FBXO6: variants seen among roughly 807,000 people sequenced by gnomAD.
FBXO6 encodes the protein F-box protein 6.
In FBXO6, 13 loss-of-function variants were observed where a neutral mutation model predicts 25.0. The observed-to-expected ratio is 0.52, with a 90% confidence interval of 0.34 to 0.83. FBXO6 has a LOEUF of 0.83. FBXO6 is among the 40% of genes least tolerant of loss of function. The probability of loss-of-function intolerance (pLI) is 0.02; values close to 1 mark genes in which losing one functional copy is unlikely to be tolerated. For synonymous variants in FBXO6, 138 were observed against 155.3 expected, an observed-to-expected ratio of 0.89 and a Z score of 0.83; for missense variants, 370 against 380.2, an observed-to-expected ratio of 0.97 and a Z score of 0.22.
chr1:11,665,017 A>C (rs574651342), intron 1 of FBXO6, among the ~76,000 whole-genome samples: 1 of 151,730 alleles, frequency 6.6e-6, no homozygotes, highest in Non-Finnish European at 1.5e-5. Flanking sequence ...TCTAGAGTCT[A>C]GACAGTGCCT....
intron 2 of FBXO6, 143 bp downstream of exon 2, chr1:11,669,087 A>G: frequency 8.5e-7 from 1 of 1,175,152 alleles, no homozygotes; most frequent in South Asian, 1.6e-5. Flanking sequence ...CTCATTCTTC[A>G]GGTCTCAGTT....
At chr1:11,670,954 G>T (rs1640600585) in intron 2 of FBXO6, among the ~76,000 whole-genome samples, 1 of 152,200 alleles carries the variant, frequency 6.6e-6, no homozygotes, top group Non-Finnish European at 1.5e-5. Flanking sequence ...GAGGGACAGA[G>T]TCAGATCAGA....
At chr1:11,672,270 G>A (rs1457541536) in intron 4 of FBXO6, among the ~76,000 whole-genome samples, 2 of 151,940 alleles carry the variant, frequency 1.3e-5, no homozygotes, top group African/African-American at 2.4e-5. Context: ...AGGCCCCCAG[G>A]TGCACTGTCA....
intron 2 of FBXO6, among the ~76,000 whole-genome samples, chr1:11,670,797 G>A (rs1196676732): frequency 2.0e-5 from 3 of 152,114 alleles, no homozygotes; most frequent in African/African-American, 7.2e-5. Flanking sequence ...CAGGCCTCTC[G>A]TAATTTTTTG....
Position 11,665,554 on chromosome 1 carries a change from C to CTTTTTTTTT in FBXO6, c.-4+1315_-4+1323dup, listed in dbSNP as rs70983579. Among the ~76,000 whole-genome samples the CTTTTTTTTT allele has an allele frequency of 6.2e-3, 235 of 37,852 alleles. 76 individuals are homozygous for CTTTTTTTTT. Among genetic ancestry groups the CTTTTTTTTT allele is most frequent in the African/African-American group, 0.019 (124 of 6,542 alleles). The allele number at this position is 37,852 out of a possible 152,430, so 24.8% of individuals were successfully genotyped here. A position where few individuals can be genotyped will look rare whatever the true frequency, so the allele number is the denominator to read the frequency against. On this transcript the variant is annotated intron_variant, in intron 1 of 5. Transcript: ENST00000376753. ...ACAGGCGTGAGCCACCGCGCCCGGC[C>CTTTTTTTTT]TTTTTTTTTTTTTTTTTTTTTTTTG...
Position 11,674,052 on chromosome 1 carries a change from C to G in FBXO6, c.*201C>G, listed in dbSNP as rs1467221788. 8.9e-6 allele frequency: 5 copies of G among 563,292 alleles called. No individual in the cohort carries two copies. The highest frequency in any genetic ancestry group is 6.4e-6 in the Non-Finnish European group (2 of 313,932). 34.9% of individuals were successfully genotyped at this position (563,292 alleles called of 1,614,324 possible). ...GGGCACTGTGGCTCACGCCTGTAAT[C>G]CCAGCACTTTGGGAGACCGAGGCAG... On this transcript the variant is annotated 3_prime_UTR_variant, in exon 6 of 6. Transcript: ENST00000376753. This position sits in a 1 kb window ranked among gnomAD's most constrained non-coding sequence, Gnocchi z 6.1.
rs1640605534 is a variant in FBXO6 at position 11,671,170 on chromosome 1, C to A, written c.287-96C>A. The A allele has an allele frequency of 3.3e-6, 5 of 1,525,008 alleles. No homozygotes were observed. In the Admixed American group the frequency reaches 8.9e-5, roughly 27 times the overall value. 94.5% of individuals were successfully genotyped at this position (1,525,008 alleles called of 1,614,324 possible). A position where few individuals can be genotyped will look rare whatever the true frequency, so the allele number is the denominator to read the frequency against. ...CTGCCTCCCAAGAAGGTCACTAACG[C>A]CAACCACCCTCCCTCCCGCCCTCCT... On this transcript the variant is annotated intron_variant, in intron 2 of 5. Transcript: ENST00000376753.
Position 11,672,005 on chromosome 1 carries a change from A to T in FBXO6, c.491A>T (p.Asp164Val). 1 of 1,614,158 alleles carries T rather than the reference A, an allele frequency of 6.2e-7. No individual in the cohort carries two copies. Among genetic ancestry groups the T allele is most frequent in the Middle Eastern group, 1.6e-4 (1 of 6,062 alleles). The change falls in exon 4 of 6, where the codon GAC (aspartate) becomes GTC (valine). Residue 164 changes from aspartate to valine, a missense_variant. Transcript: ENST00000376753. ...WEELLDTFRP[D>V]IVVKDWFAAR... ...GAGCTACTAGACACATTCCGGCCGG[A>T]CATCGTGGTTAAGGACTGGTGAGTA...
intron 2 of FBXO6, among the ~76,000 whole-genome samples, chr1:11,670,391 C>T (rs952920707): frequency 2.6e-5 from 4 of 151,990 alleles, no homozygotes; most frequent in Admixed American, 1.3e-4. Flanking sequence ...CCAAAGGGTA[C>T]CTGTTCTTCC....
rs150370919 is a variant in FBXO6 at position 11,667,927 on chromosome 1, C to A, written c.-3-729C>A. 3.8e-3 allele frequency among the ~76,000 whole-genome samples: 571 copies of A among 152,148 alleles called. 3 individuals carry two copies. Among genetic ancestry groups the A allele is most frequent in the Non-Finnish European group, 6.4e-3 (438 of 68,008 alleles). On this transcript the variant is annotated intron_variant, in intron 1 of 5. Transcript: ENST00000376753. ...CTAACACGATGAAACCCCGTCTCTA[C>A]TAAAAATACAGAAAATTAGCTGGGT...
At chr1:11,672,126 G>A (rs1640635789) in intron 4 of FBXO6, 103 bp downstream of exon 4, 3 of 1,061,724 alleles carry the variant, frequency 2.8e-6, no homozygotes, top group Non-Finnish European at 2.8e-6. Context: ...CTGCACAGCA[G>A]TGCCCTGGAG....
intron 4 of FBXO6, among the ~76,000 whole-genome samples, chr1:11,672,590 A>G (rs1056039298): frequency 1.4e-4 from 21 of 152,120 alleles, no homozygotes; most frequent in Non-Finnish European, 1.5e-5. Flanking sequence ...GTGCCCAGCC[A>G]CTGTGCACTG....
Position 11,673,863 on chromosome 1 carries a change from C to A in FBXO6, c.*12C>A, listed in dbSNP as rs1183751799. On this transcript the variant is annotated 3_prime_UTR_variant, in exon 6 of 6. Transcript: ENST00000376753. The surrounding 1 kb of genome is among the most constrained non-coding windows in gnomAD (Gnocchi z 4.3). ...TCCAGATTTTCTGACAGCTGTCCAT[C>A]CTGTGTCTGGGTCAGCCAGAGGTTC... is the stretch of plus-strand genomic sequence containing the variant. 1.2e-6 allele frequency: 2 copies of A among 1,612,876 alleles called. No homozygotes were observed. The highest frequency in any genetic ancestry group is 1.3e-5 in the African/African-American group (1 of 74,910).
At position 11,673,463 on chromosome 1, in the gene FBXO6, T is replaced by C. The variant is rs748080575; in HGVS notation, c.645+51T>C. ...CTACCCACTCCTCCCAGGGCCAGGATGGCAGGAAGCAAAGGGCAGCCTCAG... is the reference window on the plus strand; with the variant it reads ...CTACCCACTCCTCCCAGGGCCAGGACGGCAGGAAGCAAAGGGCAGCCTCAG... On this transcript the variant is annotated intron_variant, in intron 5 of 5. Coordinates refer to ENST00000376753, the MANE Select transcript of FBXO6 (RefSeq NM_018438.6). The surrounding 1 kb of genome is among the most constrained non-coding windows in gnomAD (Gnocchi z 4.3). 3.2e-5 allele frequency: 51 copies of C among 1,601,672 alleles called. No homozygotes were observed. Among genetic ancestry groups the C allele is most frequent in the Non-Finnish European group, 4.3e-5 (50 of 1,172,020 alleles).
chr1:11,671,011 T>G (rs1337819144), intron 2 of FBXO6, among the ~76,000 whole-genome samples: 1 of 152,052 alleles, frequency 6.6e-6, no homozygotes, highest in Non-Finnish European at 1.5e-5. Context: ...GGGTGCTTTG[T>G]AGGGGTGCTC....
At chr1:11,666,222 G>C (rs909709913) in intron 1 of FBXO6, among the ~76,000 whole-genome samples, 6 of 151,366 alleles carry the variant, frequency 4.0e-5, no homozygotes, top group Non-Finnish European at 7.4e-5. Flanking sequence ...ACACCTGTGA[G>C]CTACTGCAGC....
intron 2 of FBXO6, 146 bp from the exon 3 acceptor site, chr1:11,671,120 G>C (rs744115): frequency 0.33 from 325,096 of 992,910 alleles, 63,560 homozygotes; most frequent in African/African-American, 0.84. Flanking sequence ...GTCCACAGCC[G>C]CAGAGACCTG....
At chr1:11,665,032 A>C (rs542145896) in intron 1 of FBXO6, among the ~76,000 whole-genome samples, 9 of 139,684 alleles carry the variant, frequency 6.4e-5, no homozygotes, top group African/African-American at 2.5e-4. Context: ...GTGCCTTTAG[A>C]AGCTGCCAGC....
Position 11,674,071 on chromosome 1 carries a change from G to A in FBXO6, c.*220G>A, listed in dbSNP as rs761044183. 23 of 513,896 alleles carry A rather than the reference G, an allele frequency of 4.5e-5. No individual in the cohort carries two copies. The highest frequency in any genetic ancestry group is 2.6e-4 in the Admixed American group (8 of 31,270). The allele number at this position is 513,896 out of a possible 1,614,324, so 31.8% of individuals were successfully genotyped here. ...TGTAATCCCAGCACTTTGGGAGACC[G>A]AGGCAGGTGGATCACGAGGTCAGGA... On this transcript the variant is annotated 3_prime_UTR_variant, in exon 6 of 6. Transcript: ENST00000376753. The surrounding 1 kb of genome is among the most constrained non-coding windows in gnomAD (Gnocchi z 6.1).
Sources: gnomAD v4.1 joint callset for allele counts (sites outside exome capture counted in the v4.1 genomes callset) on GRCh38, gnomAD v4.1.1 for gene constraint, Gnocchi (gnomAD v3.1) non-coding constraint, MANE v1.5 for transcripts, NCBI Gene and HGNC (gene_info 2026-07-23, HGNC 2026-07-21) for gene names.